FILIP1: variants seen among roughly 807,000 people sequenced by gnomAD.
The protein encoded by FILIP1 is filamin-A-interacting protein 1.
A neutral mutation model predicts 102.1 loss-of-function variants in FILIP1; 61 were observed. The ratio of observed to expected loss-of-function variants is 0.60; its 90% CI spans 0.49 to 0.74. The LOEUF is 0.74. Among genes scored for constraint, FILIP1 ranks in the 30% least tolerant of loss-of-function variants. The pLI, the probability that FILIP1 is intolerant of heterozygous loss-of-function variation, is 0.00. For missense variants in FILIP1, 1,314 were observed against 1,441.2 expected (o/e 0.91, Z 1.43); for synonymous variants, 491 against 526.9 (o/e 0.93, Z 0.93).
chr6:75,456,091 C>T (rs546792529), intron 1 of FILIP1, among the ~76,000 whole-genome samples: 1 of 152,154 alleles, frequency 6.6e-6, no homozygotes, highest in Non-Finnish European at 1.5e-5. Flanking sequence ...GATATCTCTC[C>T]TAAGTCTTCC....
intron 2 of FILIP1, among the ~76,000 whole-genome samples, chr6:75,383,511 T>C (rs755211019): frequency 7.9e-5 from 12 of 152,132 alleles, no homozygotes; most frequent in Admixed American, 1.3e-4. Context: ...AAAATCAACA[T>C]TAGAGAAGTG....
chr6:75,453,852 C>G, intron 1 of FILIP1: 2 of 422,844 alleles, frequency 4.7e-6, no homozygotes, highest in South Asian at 3.5e-5. Flanking sequence ...GTGGCAAAGC[C>G]TGGTACTTGG....
At chr6:75,484,367 T>G (rs1257178332) in intron 1 of FILIP1, among the ~76,000 whole-genome samples, 1 of 152,144 alleles carries the variant, frequency 6.6e-6, no homozygotes, top group African/African-American at 2.4e-5. Context: ...TTTAAAATGA[T>G]GAGGTGGCAC....
At chr6:75,386,948 CCCAT>C (rs1161515175) in intron 2 of FILIP1, among the ~76,000 whole-genome samples, 1 of 152,076 alleles carries the variant, frequency 6.6e-6, no homozygotes, top group Non-Finnish European at 1.5e-5. Context: ...CACCCACCAA[CCCAT>C]CATCTACATT....
chr6:75,392,149 C>T (rs761752771), intron 2 of FILIP1, among the ~76,000 whole-genome samples: 1 of 152,224 alleles, frequency 6.6e-6, no homozygotes, highest in Non-Finnish European at 1.5e-5. Context: ...TTGCTGAGTC[C>T]TCCTCATCCT....
At chr6:75,325,447 A>T (rs540777164) in intron 4 of FILIP1, among the ~76,000 whole-genome samples, 58 of 152,290 alleles carry the variant, frequency 3.8e-4, no homozygotes, top group Non-Finnish European at 7.1e-4. Flanking sequence ...ACAAAACAGC[A>T]GAGTAAACAT....
At chr6:75,484,670 A>C (rs1418645690) in intron 1 of FILIP1, among the ~76,000 whole-genome samples, 2 of 152,158 alleles carry the variant, frequency 1.3e-5, no homozygotes, top group Admixed American at 1.3e-4. Context: ...TGAGAGCCAC[A>C]GTACTAGATA....
chr6:75,426,129 G>T (rs994632996), intron 1 of FILIP1, among the ~76,000 whole-genome samples: 6 of 152,126 alleles, frequency 3.9e-5, no homozygotes, highest in Non-Finnish European at 7.4e-5. Context: ...TGCCAACCCT[G>T]ATCGAGACTA....
chr6:75,385,889 G>A (rs954904802), intron 2 of FILIP1, among the ~76,000 whole-genome samples: 6 of 151,108 alleles, frequency 4.0e-5, no homozygotes, highest in Admixed American at 2.6e-4. Flanking sequence ...TTATCTGGCA[G>A]CATAACATTG....
chr6:75,423,707 C>G (rs1177184848), intron 1 of FILIP1, among the ~76,000 whole-genome samples: 1 of 152,102 alleles, frequency 6.6e-6, no homozygotes, highest in African/African-American at 2.4e-5. Context: ...ACAAATTGGG[C>G]TATGAAGTTT....
rs766854436 is a variant in FILIP1 at position 75,313,425 on chromosome 6, T to C, written c.2407A>G (p.Thr803Ala). 8 of 1,614,132 alleles carry C rather than the reference T, an allele frequency of 5.0e-6. No individual in the cohort carries two copies. The highest frequency in any genetic ancestry group is 2.7e-5 in the African/African-American group (2 of 74,956). ...RRMVDVPVTS[T>A]GVQTDAVSGE... ...CTGACTGCATCAGTTTGGACTCCAG[T>C]TGACGTCACAGGAACATCCACCATT... is the stretch of plus-strand genomic sequence containing the variant. Residue 803 changes from threonine to alanine, a missense_variant, in exon 5 of 6, where the codon ACT becomes GCT. Thr to Ala is a moderately conservative substitution (Grantham distance 58). Around this residue, in one of 3 missense-constraint regions of FILIP1, gnomAD observed 816 missense variants for 913.1 expected, o/e 0.89. Transcript: ENST00000237172. This position sits in a 1 kb window ranked among gnomAD's most constrained non-coding sequence, Gnocchi z 4.2.
chr6:75,396,972 A>T (rs1776481924), intron 2 of FILIP1, among the ~76,000 whole-genome samples: 1 of 138,614 alleles, frequency 7.2e-6, no homozygotes, highest in Non-Finnish European at 1.5e-5. Flanking sequence ...CAACGAAAAC[A>T]CATGGACACA....
chr6:75,342,959 C>T (rs1009010965), intron 4 of FILIP1, among the ~76,000 whole-genome samples: 5 of 152,170 alleles, frequency 3.3e-5, no homozygotes, highest in South Asian at 2.1e-4. Flanking sequence ...CCTTTCTCTT[C>T]GACAAAGACT....
intron 6 of FILIP1, among the ~76,000 whole-genome samples, chr6:75,298,520 T>C (rs1772748485): frequency 6.6e-6 from 1 of 152,238 alleles, no homozygotes. Flanking sequence ...ACAGATTTAC[T>C]AAATCTATAG....
chr6:75,351,506 G>A lies in FILIP1; in HGVS notation c.629+2033C>T, dbSNP rs185749846. 1.2e-4 allele frequency among the ~76,000 whole-genome samples: 18 copies of A among 152,156 alleles called. No individual in the cohort carries two copies. In the East Asian group the frequency reaches 2.3e-3, roughly 20 times the overall value. Reference sequence around the variant, plus strand: ...GGAGAACAGTGAGTCTGGTATTCACGGCCATTTCCCCCATTGTATCCCATA... The same window carrying A: ...GGAGAACAGTGAGTCTGGTATTCACAGCCATTTCCCCCATTGTATCCCATA... On this transcript the variant is annotated intron_variant, in intron 4 of 5. Transcript: ENST00000237172.
intron 1 of FILIP1, among the ~76,000 whole-genome samples, chr6:75,487,683 T>G (rs1779832828): frequency 6.6e-6 from 1 of 152,120 alleles, no homozygotes; most frequent in African/African-American, 2.4e-5. Context: ...TCTTTTGGCC[T>G]GAAATCTTCA....
At chr6:75,409,777 T>A (rs1250314437) in intron 2 of FILIP1, among the ~76,000 whole-genome samples, 1 of 152,058 alleles carries the variant, frequency 6.6e-6, no homozygotes, top group East Asian at 1.9e-4. Flanking sequence ...TTTTTCAGAT[T>A]TTTGCATTCT....
chr6:75,445,568 C>A (rs974064232), intron 1 of FILIP1, among the ~76,000 whole-genome samples: 2 of 152,086 alleles, frequency 1.3e-5, no homozygotes, highest in African/African-American at 4.8e-5. Flanking sequence ...ATGGCAGCCA[C>A]CATGTTTATT....
At chr6:75,326,220 C>A (rs762919777) in intron 4 of FILIP1, among the ~76,000 whole-genome samples, 1 of 151,888 alleles carries the variant, frequency 6.6e-6, no homozygotes, top group African/African-American at 2.4e-5. Context: ...GAGTTGGAAA[C>A]CATTATTCTA....
Sources: allele counts gnomAD v4.1 joint callset (sites outside exome capture counted in the v4.1 genomes callset), GRCh38; gene constraint gnomAD v4.1.1; regional missense constraint gnomAD v4.1.1; non-coding constraint Gnocchi (gnomAD v3.1); transcripts MANE v1.5; gene names NCBI Gene and HGNC (gene_info 2026-07-23, HGNC 2026-07-21).